STAT5B: variants seen among roughly 807,000 people sequenced by gnomAD.
STAT5B encodes the protein signal transducer and activator of transcription 5B, also known as transcription factor STAT5B.
Under a neutral mutation model 107.8 loss-of-function variants are expected in STAT5B, and 21 were observed. The observed-to-expected ratio is 0.19, with a 90% CI of 0.14 to 0.28. The LOEUF is 0.28. STAT5B is among the 10% of genes least tolerant of loss of function. The pLI is 1.00. For synonymous variants in STAT5B, 325 were observed against 401.7 expected (o/e 0.81, Z 2.28); for missense variants, 565 against 1,008.2 (o/e 0.56, Z 5.95).
chr17:42,272,231 T>C (rs2080727036), intron 1 of STAT5B: 1 of 152,198 alleles, frequency 6.6e-6, no homozygotes, highest in Non-Finnish European at 1.5e-5. Flanking sequence ...TCTAATACCA[T>C]ACCCTGAATT....
chr17:42,268,416 C>T (rs1371498225), intron 1 of STAT5B, among the ~76,000 whole-genome samples: 1 of 152,096 alleles, frequency 6.6e-6, no homozygotes, highest in Admixed American at 6.6e-5. Context: ...TGTGTAAGTA[C>T]CCTCTATGAT....
rs573469745 is a variant in STAT5B at position 42,252,171 on chromosome 17, C to T, written c.-10-20034G>A. Among the ~76,000 whole-genome samples, 12 of 152,048 alleles carry T rather than the reference C, an allele frequency of 7.9e-5. No individual in the cohort carries two copies. In the East Asian group the frequency reaches 1.9e-3, roughly 24 times the overall value. ...AACTTCTGAATTTAACAGTGCTGTG[C>T]GATATATCAAGGGGAAATTTGGGAC... On this transcript the variant is annotated intron_variant, in intron 1 of 18. Coordinates refer to ENST00000293328, the MANE Select transcript of STAT5B (RefSeq NM_012448.4).
At chr17:42,259,462 A>C (rs1395158698) in intron 1 of STAT5B, among the ~76,000 whole-genome samples, 1 of 152,040 alleles carries the variant, frequency 6.6e-6, no homozygotes, top group Non-Finnish European at 1.5e-5. Context: ...GAATGGTAGG[A>C]AGCTTTAAGG....
intron 2 of STAT5B, among the ~76,000 whole-genome samples, chr17:42,228,234 T>C (rs2080290092): frequency 6.6e-6 from 1 of 152,204 alleles, no homozygotes; most frequent in Non-Finnish European, 1.5e-5. Context: ...CAAGAATTTA[T>C]ACGAGTCAGA....
chr17:42,254,613 T>G (rs2080526469), intron 1 of STAT5B, among the ~76,000 whole-genome samples: 1 of 152,078 alleles, frequency 6.6e-6, no homozygotes, highest in South Asian at 2.1e-4. Context: ...TAGAGAGCTA[T>G]GATTGTTTCA....
chr17:42,210,375 C>T lies in STAT5B; in HGVS notation c.1775+28G>A, dbSNP rs748907014. 11 of 1,613,990 alleles carry T rather than the reference C, an allele frequency of 6.8e-6. No homozygotes were observed. The East Asian group carries it at 1.6e-4, about 23-fold the overall frequency. Reference sequence around the variant, plus strand: ...CAGAGAGAAGACCTTCAGACTCTGTCGGCGCCTTAAGAAATAATGATTCTC... The same window carrying T: ...CAGAGAGAAGACCTTCAGACTCTGTTGGCGCCTTAAGAAATAATGATTCTC... On this transcript the variant is annotated intron_variant, in intron 14 of 18. Coordinates refer to ENST00000293328, the MANE Select transcript of STAT5B (RefSeq NM_012448.4).
intron 1 of STAT5B, chr17:42,272,732 A>T: frequency 6.6e-6 from 1 of 152,296 alleles, no homozygotes; most frequent in East Asian, 1.9e-4. Context: ...AAATACAAAC[A>T]GGAAGCACCC....
intron 1 of STAT5B, among the ~76,000 whole-genome samples, chr17:42,265,234 T>C (rs1249816846): frequency 2.0e-5 from 3 of 152,140 alleles, no homozygotes; most frequent in African/African-American, 7.2e-5. Flanking sequence ...TTGTCAATTT[T>C]GTCTTTTGTT....
intron 1 of STAT5B, among the ~76,000 whole-genome samples, chr17:42,262,375 G>A (rs2080606183): frequency 6.6e-6 from 1 of 152,114 alleles, no homozygotes; most frequent in East Asian, 1.9e-4. Context: ...GTCCATGCAG[G>A]AAAATTCTTT....
Position 42,200,926 on chromosome 17 carries a change from A to T in STAT5B, c.*812T>A, listed in dbSNP as rs1375471070. On this transcript the variant is annotated 3_prime_UTR_variant, in exon 19 of 19. Transcript: ENST00000293328. ...GCGCACTCCACTCTGGCCAGAACAC[A>T]AACGGCATTGGCACTGTAAGCTCTC... 1 of 396,948 alleles carries T rather than the reference A, an allele frequency of 2.5e-6. No individual in the cohort carries two copies. The highest frequency in any genetic ancestry group is 4.4e-6 in the Non-Finnish European group (1 of 225,598). 24.6% of individuals were successfully genotyped at this position (396,948 alleles called of 1,614,324 possible). A position where few individuals can be genotyped will look rare whatever the true frequency, so the allele number is the denominator to read the frequency against.
rs376159106 is a variant in STAT5B at position 42,229,276 on chromosome 17, A to G, written c.129-1591T>C. On this transcript the variant is annotated intron_variant, in intron 2 of 18. Coordinates refer to ENST00000293328, the MANE Select transcript of STAT5B (RefSeq NM_012448.4). ...GTGATTCTCCTGCCTCAGCCTCCCAAGTAGCTGGAATTACAGGCGTGCACC... is the reference window on the plus strand; with the variant it reads ...GTGATTCTCCTGCCTCAGCCTCCCAGGTAGCTGGAATTACAGGCGTGCACC... 3.9e-5 allele frequency among the ~76,000 whole-genome samples: 6 copies of G among 152,022 alleles called. No homozygotes were observed. The South Asian group carries it at 8.3e-4, about 21-fold the overall frequency.
chr17:42,217,401 G>C lies in STAT5B; in HGVS notation c.1233C>G (p.Thr411=). Residue 411 remains threonine, a synonymous_variant, in exon 10 of 19, where the codon ACC becomes ACG. Coordinates refer to ENST00000293328, the MANE Select transcript of STAT5B (RefSeq NM_012448.4). ...CVMEYHQATG[T]LSAHFRNMSL... is the part of the protein sequence containing the mutation. The stretch of plus-strand genomic sequence containing the variant: ...CCATATTCCTGAAGTGGGCACTAAG[G>C]GTGCCTGTGGCTTGGTGGTACTCCA... 1 of 1,614,162 alleles carries C rather than the reference G, an allele frequency of 6.2e-7. No individual in the cohort carries two copies. The highest frequency in any genetic ancestry group is 8.5e-7 in the Non-Finnish European group (1 of 1,180,036).
At chr17:42,285,112 C>T in the STAT5B span, among the ~76,000 whole-genome samples, 1 of 148,182 alleles carries the variant, frequency 6.7e-6, no homozygotes, top group Non-Finnish European at 1.5e-5. Flanking sequence ...TTTTTTGAGA[C>T]AGAGTCTGAC....
At chr17:42,282,288 A>G in the STAT5B span, among the ~76,000 whole-genome samples, 1 of 152,154 alleles carries the variant, frequency 6.6e-6, no homozygotes. Flanking sequence ...TCTACTGGCC[A>G]AGGCCTCTGA....
chr17:42,224,912 C>G, intron 3 of STAT5B, 44 bp from the exon 4 acceptor site: 1 of 1,605,266 alleles, frequency 6.2e-7, no homozygotes, highest in Non-Finnish European at 8.5e-7. Flanking sequence ...CCACTCCACA[C>G]TATGGGCCCT....
chr17:42,245,727 T>C (rs1157522977), intron 1 of STAT5B, among the ~76,000 whole-genome samples: 1 of 152,012 alleles, frequency 6.6e-6, no homozygotes, highest in East Asian at 1.9e-4. Context: ...TTTCACCATG[T>C]TGGCCAGGCT....
Position 42,224,842 on chromosome 17 carries a change from C to A in STAT5B, c.312G>T (p.Glu104Asp). ...ATATATGGCGGATGCAGCGGACCAG[C>A]TCCATGGGGCAGCGGTCATACGTGT... ...LQNTYDRCPM[E>D]LVRCIRHILY... is the part of the protein sequence containing the mutation. The change falls in exon 4 of 19, where the codon GAG becomes GAT. Residue 104 changes from glutamate (E) to aspartate (D), a missense_variant. Glu to Asp is a conservative substitution (Grantham distance 45). Transcript: ENST00000293328. 1 of 1,613,764 alleles carries A rather than the reference C, an allele frequency of 6.2e-7. No individual in the cohort carries two copies. Among genetic ancestry groups the A allele is most frequent in the East Asian group, 2.2e-5 (1 of 44,862 alleles).
intron 1 of STAT5B, among the ~76,000 whole-genome samples, chr17:42,239,841 A>G (rs1047214482): frequency 6.6e-6 from 1 of 152,236 alleles, no homozygotes; most frequent in African/African-American, 2.4e-5. Flanking sequence ...AAGTGGGTAC[A>G]CAGGCCAGGT....
At chr17:42,281,857 G>A in the STAT5B span, among the ~76,000 whole-genome samples, 1 of 152,238 alleles carries the variant, frequency 6.6e-6, no homozygotes, top group African/African-American at 2.4e-5. Context: ...GCATTATCCA[G>A]GGAGGGTGGG....
Sources: gnomAD v4.1 joint callset for allele counts (sites outside exome capture counted in the v4.1 genomes callset) on GRCh38, gnomAD v4.1.1 for gene constraint, MANE v1.5 for transcripts, NCBI Gene and HGNC (gene_info 2026-07-23, HGNC 2026-07-21) for gene names.